DIP2A: variants seen among roughly 807,000 people sequenced by gnomAD.
DIP2A encodes the protein disco-interacting protein 2 homolog A.
In DIP2A, 85 loss-of-function variants were observed where a neutral mutation model predicts 177.4. The observed-to-expected ratio is 0.48, with a 90% CI of 0.40 to 0.57. The LOEUF (loss-of-function observed/expected upper bound fraction) is 0.57, where lower values mean the gene tolerates loss of function less well. DIP2A is among the 20% of genes least tolerant of loss of function. The pLI, the probability that DIP2A is intolerant of heterozygous loss-of-function variation, is 0.00. For synonymous variants in DIP2A, 886 were observed against 881.8 expected (o/e 1.00, Z -0.08); for missense variants, 1,791 against 2,100.2 (o/e 0.85, Z 2.88).
At chr21:46,541,559 AGT>A (rs1050480991) in intron 17 of DIP2A, among the ~76,000 whole-genome samples, 195 bp from the exon 18 acceptor site, 1 of 152,144 alleles carries the variant, frequency 6.6e-6, no homozygotes, top group African/African-American at 2.4e-5. Flanking sequence ...TTTCCCACTG[AGT>A]GGAGTGTCGA....
chr21:46,508,332 C>T (rs1176737374), intron 6 of DIP2A, among the ~76,000 whole-genome samples: 1 of 149,146 alleles, frequency 6.7e-6, no homozygotes, highest in Admixed American at 6.7e-5. Flanking sequence ...CTGTGAGCCA[C>T]TGCTCCTGGC....
At chr21:46,478,760 A>T (rs1338035782) in intron 1 of DIP2A, among the ~76,000 whole-genome samples, 20 of 148,308 alleles carry the variant, frequency 1.3e-4, no homozygotes, top group African/African-American at 2.3e-4. Flanking sequence ...TTTTTTTTTT[A>T]AATTCACAAT....
At chr21:46,562,154 C>T (rs756877705) in intron 34 of DIP2A, among the ~76,000 whole-genome samples, 11 of 152,126 alleles carry the variant, frequency 7.2e-5, no homozygotes, top group Non-Finnish European at 1.2e-4. Flanking sequence ...ATGGAGTGGC[C>T]CTGGCCCTAA....
the DIP2A span, among the ~76,000 whole-genome samples, chr21:46,578,645 T>C: frequency 6.6e-6 from 1 of 152,238 alleles, no homozygotes. Context: ...ATATCCAGTT[T>C]ATTGAAAGTA....
chr21:46,557,723 G>T lies in DIP2A; in HGVS notation c.3768G>T (p.Lys1256Asn). ...CSYSVMEMCT[K>N]GLGAQTGVLR... ...ACTCTGTGATGGAGATGTGCACCAA[G>T]GGCCTAGGCGCACAGACGGGTGTCC... Residue 1256 changes from lysine to asparagine, a missense_variant, in exon 31 of 38, where the codon AAG becomes AAT. Lys to Asn is a moderately conservative substitution (Grantham distance 94, BLOSUM62 0). Transcript: ENST00000417564. The surrounding 1 kb of genome is among the most constrained non-coding windows in gnomAD (Gnocchi z 6.0). 6.2e-7 allele frequency: 1 copy of T among 1,612,288 alleles called. No homozygotes were observed. Among genetic ancestry groups the T allele is most frequent in the South Asian group, 1.1e-5 (1 of 91,050 alleles).
At chr21:46,552,755 A>G (rs990697183) in intron 25 of DIP2A, among the ~76,000 whole-genome samples, 1 of 152,224 alleles carries the variant, frequency 6.6e-6, no homozygotes, top group African/African-American at 2.4e-5. Flanking sequence ...CAAGTTCCGT[A>G]GGAGAGAGAC....
At chr21:46,481,148 C>T (rs564974896) in intron 1 of DIP2A, among the ~76,000 whole-genome samples, 20 of 152,294 alleles carry the variant, frequency 1.3e-4, no homozygotes, top group Admixed American at 4.6e-4. Context: ...CTCCCGGTCC[C>T]CCAGCTGATC....
chr21:46,557,203 T>G lies in DIP2A; in HGVS notation c.3629+134T>G. ...GTGTGTGAGTGGGTTTGTTTGGGGATGAAGTGGGTTGGAGTCTGAGTCTGA... is the reference window on the plus strand; with the variant it reads ...GTGTGTGAGTGGGTTTGTTTGGGGAGGAAGTGGGTTGGAGTCTGAGTCTGA... On this transcript the variant is annotated intron_variant, in intron 30 of 37. Coordinates refer to ENST00000417564, the MANE Select transcript of DIP2A (RefSeq NM_015151.4). The surrounding 1 kb of genome is among the most constrained non-coding windows in gnomAD (Gnocchi z 6.0). The G allele has an allele frequency of 1.9e-6, 2 of 1,034,082 alleles. No individual in the cohort carries two copies. The highest frequency in any genetic ancestry group is 2.7e-6 in the Non-Finnish European group (2 of 734,792). The allele number at this position is 1,034,082 out of a possible 1,614,324, so 64.1% of individuals were successfully genotyped here.
Position 46,484,659 on chromosome 21 carries a change from C to A in DIP2A, c.92-98C>A, listed in dbSNP as rs898407508. On this transcript the variant is annotated intron_variant, in intron 1 of 37. Transcript: ENST00000417564. ...TTTGTCCAGACACTTCATGGAAGGA[C>A]ATCAGTGTTTCCAGTTTTTCAATCA... 9 of 998,718 alleles carry A rather than the reference C, an allele frequency of 9.0e-6. No individual in the cohort carries two copies. The Admixed American group carries it at 2.3e-4, about 25-fold the overall frequency. 61.9% of individuals were successfully genotyped at this position (998,718 alleles called of 1,614,324 possible). A position where few individuals can be genotyped will look rare whatever the true frequency, so the allele number is the denominator to read the frequency against.
chr21:46,534,210 A>C (rs1286084793), intron 12 of DIP2A, 97 bp downstream of exon 12: 1 of 1,005,740 alleles, frequency 9.9e-7, no homozygotes, highest in Non-Finnish European at 1.5e-6. Flanking sequence ...TTTTTTGTTA[A>C]GTTTCGGCCT....
At chr21:46,550,968 T>G (rs2148867571) in intron 23 of DIP2A, among the ~76,000 whole-genome samples, 1 of 152,334 alleles carries the variant, frequency 6.6e-6, no homozygotes. Context: ...CATGGTGGTT[T>G]CCACCTGCCT....
chr21:46,462,495 T>C (rs1020507411), intron 1 of DIP2A: 4 of 152,222 alleles, frequency 2.6e-5, no homozygotes. Context: ...TTCAGTCACA[T>C]AGTGTGTGTG....
At chr21:46,497,890 A>T (rs972819288) in intron 4 of DIP2A, among the ~76,000 whole-genome samples, 2 of 152,256 alleles carry the variant, frequency 1.3e-5, no homozygotes, top group Non-Finnish European at 2.9e-5. Context: ...TTTTTGCTAA[A>T]TATAGCTATA....
At chr21:46,545,581 C>G (rs763660519) in intron 19 of DIP2A, among the ~76,000 whole-genome samples, 2 of 152,188 alleles carry the variant, frequency 1.3e-5, no homozygotes, top group Non-Finnish European at 2.9e-5. Flanking sequence ...ACCGTGGCCC[C>G]AGGGAAACCA....
intron 1 of DIP2A, among the ~76,000 whole-genome samples, chr21:46,474,591 CTG>C (rs1217762723): frequency 1.3e-5 from 2 of 152,162 alleles, no homozygotes; most frequent in Admixed American, 6.5e-5. Flanking sequence ...GCAAAGATGA[CTG>C]TACTTCCTCA....
chr21:46,507,778 G>A (rs12627653), intron 6 of DIP2A, among the ~76,000 whole-genome samples: 44,852 of 138,888 alleles, frequency 0.32, 7,288 homozygotes, highest in Admixed American at 0.4. Context: ...TTGGCTCACC[G>A]CAGCCTCTGC....
At chr21:46,550,270 A>G (rs1477330275) in intron 22 of DIP2A, among the ~76,000 whole-genome samples, 2 of 152,284 alleles carry the variant, frequency 1.3e-5, no homozygotes, top group Admixed American at 6.5e-5. Context: ...TTTCACCATC[A>G]TCTCCTCATT....
At chr21:46,551,981 G>T in intron 25 of DIP2A, 77 bp downstream of exon 25, 1 of 1,462,640 alleles carries the variant, frequency 6.8e-7, no homozygotes, top group Non-Finnish European at 9.3e-7. Context: ...AGTTCATGGT[G>T]CCAGTGTCCT....
downstream of DIP2A, among the ~76,000 whole-genome samples, chr21:46,573,494 T>C (rs1678164596): frequency 6.6e-6 from 1 of 151,322 alleles, no homozygotes; most frequent in African/African-American, 2.4e-5. Context: ...ACCACATCTC[T>C]ACCAAAAAAA....
Sources: allele counts gnomAD v4.1 joint callset (sites outside exome capture counted in the v4.1 genomes callset), GRCh38; gene constraint gnomAD v4.1.1; non-coding constraint Gnocchi (gnomAD v3.1); transcripts MANE v1.5; gene names NCBI Gene and HGNC (gene_info 2026-07-23, HGNC 2026-07-21).